The following CDH11 variants were observed in gnomAD, a reference collection of about 807,000 sequenced individuals.
CDH11 encodes cadherin-11.
Under a neutral mutation model 67.8 loss-of-function variants are expected in CDH11, and 11 were observed. The observed-to-expected ratio is 0.16, with a 90% CI of 0.10 to 0.27. CDH11 has a LOEUF of 0.27. CDH11 is among the 10% of genes least tolerant of loss of function. The pLI, the probability that CDH11 is intolerant of heterozygous loss-of-function variation, is 1.00. For synonymous variants in CDH11, 419 were observed against 400.0 expected, an observed-to-expected ratio of 1.05 and a Z score of -0.57; for missense variants, 847 against 1,031.2, an observed-to-expected ratio of 0.82 and a Z score of 2.45.
chr16:64,948,870 G>T, intron 12 of CDH11: 1 of 973,600 alleles, frequency 1.0e-6, no homozygotes. Context: ...TCCCCAAGAG[G>T]CTTCTACAAT....
Position 64,946,124 on chromosome 16 carries a change from G to T in CDH11, c.*1479C>A. On this transcript the variant is annotated 3_prime_UTR_variant, in exon 13 of 13. Transcript: ENST00000268603. ...TCCCTGCCCTCATTCTGAGCTTACGGCCCCAAGCATATTCTAAACAAAGCT... is the reference window on the plus strand; with the variant it reads ...TCCCTGCCCTCATTCTGAGCTTACGTCCCCAAGCATATTCTAAACAAAGCT... The T allele has an allele frequency of 7.6e-6, 8 of 1,056,088 alleles. No homozygotes were observed. Among genetic ancestry groups the T allele is most frequent in the Non-Finnish European group, 9.2e-6 (8 of 873,524 alleles). 65.4% of individuals were successfully genotyped at this position (1,056,088 alleles called of 1,614,324 possible). A position where few individuals can be genotyped will look rare whatever the true frequency, so the allele number is the denominator to read the frequency against.
At chr16:65,029,325 G>A (rs1041517710) in intron 2 of CDH11, among the ~76,000 whole-genome samples, 10 of 152,102 alleles carry the variant, frequency 6.6e-5, no homozygotes, top group East Asian at 1.9e-4. Flanking sequence ...AGAAATGTTC[G>A]CAGGGCCATT....
chr16:65,106,204 G>T (rs184773821), intron 1 of CDH11, among the ~76,000 whole-genome samples: 226 of 152,292 alleles, frequency 1.5e-3, no homozygotes, highest in Admixed American at 3.2e-3. Context: ...GGGAGGTAAT[G>T]TTCCATTCTA....
intron 2 of CDH11, among the ~76,000 whole-genome samples, chr16:65,052,864 T>G (rs1056203162): frequency 6.6e-6 from 1 of 152,142 alleles, no homozygotes; most frequent in African/African-American, 2.4e-5. Context: ...ATTTCAGAGA[T>G]AGCCAAATGA....
chr16:64,957,458 C>T (rs571574587), intron 11 of CDH11, among the ~76,000 whole-genome samples: 3 of 152,218 alleles, frequency 2.0e-5, no homozygotes, highest in Non-Finnish European at 2.9e-5. Flanking sequence ...AGCTCCCACA[C>T]ACTTGAAGAC....
intron 2 of CDH11, among the ~76,000 whole-genome samples, chr16:65,032,864 G>A (rs1012355026): frequency 6.6e-6 from 1 of 152,064 alleles, no homozygotes; most frequent in African/African-American, 2.4e-5. Flanking sequence ...TCATCAAGAG[G>A]TGAGACCTAA....
intron 11 of CDH11, among the ~76,000 whole-genome samples, chr16:64,967,219 T>TTTTG (rs990211695): frequency 2.8e-4 from 43 of 151,792 alleles, no homozygotes; most frequent in Middle Eastern, 3.4e-3. Context: ...ACTCTAGGAG[T>TTTTG]TTTGTTTGTT....
At chr16:64,971,386 T>C (rs1352579622) in intron 11 of CDH11, among the ~76,000 whole-genome samples, 193 bp downstream of exon 11, 1 of 152,142 alleles carries the variant, frequency 6.6e-6, no homozygotes, top group Non-Finnish European at 1.5e-5. Context: ...AAAATGTAAA[T>C]AAAATTAGAC....
chr16:65,063,059 C>T (rs569731052), intron 1 of CDH11, among the ~76,000 whole-genome samples: 1 of 152,316 alleles, frequency 6.6e-6, no homozygotes, highest in South Asian at 2.1e-4. Flanking sequence ...GGTGGAAGAA[C>T]ATTCTTCACT....
At chr16:65,011,406 T>G (rs2073182285) in intron 2 of CDH11, among the ~76,000 whole-genome samples, 2 of 152,158 alleles carry the variant, frequency 1.3e-5, no homozygotes, top group South Asian at 4.1e-4. Flanking sequence ...CTTTGTTAGA[T>G]GTGACTTCCA....
At chr16:65,043,198 A>G (rs894417448) in intron 2 of CDH11, among the ~76,000 whole-genome samples, 1 of 152,240 alleles carries the variant, frequency 6.6e-6, no homozygotes, top group Non-Finnish European at 1.5e-5. Context: ...CATCCCATGA[A>G]TAAGCATTCA....
At chr16:64,973,535 G>T (rs1597036209) in intron 8 of CDH11, among the ~76,000 whole-genome samples, 1 of 152,324 alleles carries the variant, frequency 6.6e-6, no homozygotes, top group East Asian at 1.9e-4. Context: ...GCCTGGTGCA[G>T]TGTCTCACTC....
Position 64,947,381 on chromosome 16 carries a change from A to G in CDH11, c.*222T>C. The G allele has an allele frequency of 7.7e-7, 1 of 1,293,118 alleles. No homozygotes were observed. The highest frequency in any genetic ancestry group is 9.8e-7 in the Non-Finnish European group (1 of 1,021,338). 80.1% of individuals were successfully genotyped at this position (1,293,118 alleles called of 1,614,324 possible). Reference sequence around the variant, plus strand: ...GCCAAGTGTTTTTTTTTTCTAGCGAAGTTGATAAACAACTTCAATATTTGC... The same window carrying G: ...GCCAAGTGTTTTTTTTTTCTAGCGAGGTTGATAAACAACTTCAATATTTGC... On this transcript the variant is annotated 3_prime_UTR_variant, in exon 13 of 13. Transcript: ENST00000268603.
chr16:65,009,922 C>T (rs1417814768), intron 2 of CDH11, among the ~76,000 whole-genome samples: 2 of 152,172 alleles, frequency 1.3e-5, no homozygotes, highest in Non-Finnish European at 2.9e-5. Flanking sequence ...GTGCCTTGAG[C>T]ATAAAACTCT....
intron 1 of CDH11, among the ~76,000 whole-genome samples, chr16:65,078,639 A>T (rs1207111788): frequency 6.6e-6 from 1 of 152,134 alleles, no homozygotes; most frequent in Non-Finnish European, 1.5e-5. Context: ...TCTAATAGAC[A>T]TTTTTTTGAT....
At chr16:64,953,520 G>A (rs2071420726) in intron 11 of CDH11, among the ~76,000 whole-genome samples, 1 of 151,666 alleles carries the variant, frequency 6.6e-6, no homozygotes, top group Non-Finnish European at 1.5e-5. Context: ...TCTTATCACT[G>A]GGGAAAATTA....
At chr16:64,973,115 T>G in intron 8 of CDH11, 75 bp from the exon 9 acceptor site, 1 of 1,371,722 alleles carries the variant, frequency 7.3e-7, no homozygotes, top group Non-Finnish European at 1.0e-6. Flanking sequence ...TTCTCCATGC[T>G]ATATTTAAAT....
intron 1 of CDH11, among the ~76,000 whole-genome samples, chr16:65,111,036 GC>G (rs1248295105): frequency 6.6e-6 from 1 of 152,102 alleles, no homozygotes; most frequent in African/African-American, 2.4e-5. Context: ...CATTGCCATT[GC>G]TTTGTTCTGT....
chr16:65,114,140 G>C (rs1449973157), intron 1 of CDH11, among the ~76,000 whole-genome samples: 1 of 152,126 alleles, frequency 6.6e-6, no homozygotes, highest in Non-Finnish European at 1.5e-5. Context: ...TCACCTCCTG[G>C]GTTTCCTGAG....
Sources: allele counts gnomAD v4.1 joint callset (sites outside exome capture counted in the v4.1 genomes callset), GRCh38; gene constraint gnomAD v4.1.1; transcripts MANE v1.5; gene names NCBI Gene and HGNC (gene_info 2026-07-23, HGNC 2026-07-21).